PCDHGA11: variants seen among roughly 807,000 people sequenced by gnomAD.
PCDHGA11 encodes the protein protocadherin gamma subfamily A, 11.
Under a neutral mutation model 60.4 loss-of-function variants are expected in PCDHGA11, and 39 were observed. The ratio of observed to expected loss-of-function variants is 0.65; its 90% confidence interval spans 0.50 to 0.84. The LOEUF is 0.84. Ranked by LOEUF, PCDHGA11 falls within the 40% of genes least tolerant of loss-of-function variation. The probability of loss-of-function intolerance (pLI) is 0.00; values close to 1 mark genes in which losing one functional copy is unlikely to be tolerated. For missense variants in PCDHGA11, 1,165 were observed against 1,197.7 expected, an observed-to-expected ratio of 0.97 and a Z score of 0.40; for synonymous variants, 533 against 510.3, an observed-to-expected ratio of 1.04 and a Z score of -0.60.
At chr5:141,461,011 A>G (rs971172615) in intron 1 of PCDHGA11, among the ~76,000 whole-genome samples, 2 of 151,288 alleles carry the variant, frequency 1.3e-5, no homozygotes, top group Non-Finnish European at 2.9e-5. Context: ...ATATATATAT[A>G]CCACATTTTC....
chr5:141,459,084 A>T (rs2098960410), intron 1 of PCDHGA11, among the ~76,000 whole-genome samples: 2 of 152,204 alleles, frequency 1.3e-5, no homozygotes, highest in Non-Finnish European at 2.9e-5. Flanking sequence ...TGCCTTTTAA[A>T]ATTATACAGT....
intron 2 of PCDHGA11, among the ~76,000 whole-genome samples, chr5:141,499,869 G>A (rs1247615457): frequency 3.3e-5 from 5 of 151,938 alleles, no homozygotes; most frequent in Non-Finnish European, 5.9e-5. Context: ...TGTATTTTCA[G>A]TACAAACAGG....
chr5:141,491,438 G>T lies in PCDHGA11; in HGVS notation c.2434-3369G>T, dbSNP rs376927300. 3.7e-6 allele frequency: 6 copies of T among 1,613,948 alleles called. No homozygotes were observed. The African/African-American group carries it at 4.0e-5, about 11-fold the overall frequency. ...GGGGGTGGAGGGCAGTGCTGCAGGCGCCAGGACTCACCCTCCCCGGACTTC... is the reference window on the plus strand; with the variant it reads ...GGGGGTGGAGGGCAGTGCTGCAGGCTCCAGGACTCACCCTCCCCGGACTTC... On this transcript the variant is annotated intron_variant, in intron 1 of 3. Transcript: ENST00000398587. The surrounding 1 kb of genome is among the most constrained non-coding windows in gnomAD (Gnocchi z 6.9).
Position 141,422,019 on chromosome 5 carries a change from G to T in PCDHGA11, c.792G>T (p.Met264Ile), listed in dbSNP as rs777239843. 3 of 1,610,862 alleles carry T rather than the reference G, an allele frequency of 1.9e-6. No homozygotes were observed. The highest frequency in any genetic ancestry group is 2.5e-6 in the Non-Finnish European group (3 of 1,178,836). ...TCAGCTCCGGAACTCGGGTGCTGAT[G>T]GTTAATGCAACGGATCCAGACGAGG... The part of the protein sequence containing the change: ...ENISSGTRVL[M>I]VNATDPDEGI... The change falls in exon 1 of 4, where the codon ATG (methionine) becomes ATT (isoleucine). Residue 264 changes from methionine (M) to isoleucine (I), a missense_variant. Coordinates refer to ENST00000398587, the MANE Select transcript of PCDHGA11 (RefSeq NM_018914.3).
Position 141,433,059 on chromosome 5 carries a change from A to G in PCDHGA11, c.2433+9399A>G, listed in dbSNP as rs745951077. 1.1e-5 allele frequency: 18 copies of G among 1,614,000 alleles called. No individual in the cohort carries two copies. In the East Asian group the frequency reaches 3.8e-4, roughly 34 times the overall value. On this transcript the variant is annotated intron_variant, in intron 1 of 3. Transcript: ENST00000398587. ...CTCACCACGGACTCGCGGAAGAGTC[A>G]CCTGATCTTCCCCCAGCCCAACTAT...
intron 1 of PCDHGA11, chr5:141,424,104 A>G (rs1049098128): frequency 6.2e-6 from 5 of 812,458 alleles, no homozygotes; most frequent in Non-Finnish European, 6.1e-6. Flanking sequence ...ATTACTGCTA[A>G]TGTTCAAATT....
Position 141,486,683 on chromosome 5 carries a change from G to C in PCDHGA11, c.2434-8124G>C, listed in dbSNP as rs1207359772. 6.2e-7 allele frequency: 1 copy of C among 1,613,974 alleles called. No individual in the cohort carries two copies. ...GGAGCCCAGGAATCGAGATGTATCA[G>C]CTTCCTCTTTCATCTCTCTGAACCC... On this transcript the variant is annotated intron_variant, in intron 1 of 3. Coordinates refer to ENST00000398587, the MANE Select transcript of PCDHGA11 (RefSeq NM_018914.3). This position sits in a 1 kb window ranked among gnomAD's most constrained non-coding sequence, Gnocchi z 5.0.
chr5:141,481,658 T>C (rs910422064), intron 1 of PCDHGA11, among the ~76,000 whole-genome samples: 2 of 150,554 alleles, frequency 1.3e-5, no homozygotes, highest in East Asian at 2.0e-4. Context: ...TCTCTACTAA[T>C]AATACAAAAA....
intron 1 of PCDHGA11, among the ~76,000 whole-genome samples, chr5:141,468,041 T>C (rs972340736): frequency 4.6e-5 from 7 of 152,120 alleles, no homozygotes; most frequent in Admixed American, 3.9e-4. Flanking sequence ...TTTAGAAAAC[T>C]AAGCCGGGCA....
chr5:141,472,980 C>CAAAAAAAAAAAAAAAAAAAAA (rs60579131), intron 1 of PCDHGA11, among the ~76,000 whole-genome samples: 3 of 86,094 alleles, frequency 3.5e-5, no homozygotes, highest in Non-Finnish European at 5.0e-5. Context: ...GAGTGAAACT[C>CAAAAAAAAAAAAAAAAAAAAA]AAAAAAAAAA....
At position 141,489,083 on chromosome 5, in the gene PCDHGA11, T is replaced by G; in HGVS notation, c.2434-5724T>G. On this transcript the variant is annotated intron_variant, in intron 1 of 3. Coordinates refer to ENST00000398587, the MANE Select transcript of PCDHGA11 (RefSeq NM_018914.3). This position sits in a 1 kb window ranked among gnomAD's most constrained non-coding sequence, Gnocchi z 4.5. ...CCTCCCCCCTGCCCACCCCCGCCACTCGGTGACTAAGAACTGCTGCAAGCA... is the reference window on the plus strand; with the variant it reads ...CCTCCCCCCTGCCCACCCCCGCCACGCGGTGACTAAGAACTGCTGCAAGCA... The G allele has an allele frequency of 1.2e-5, 2 of 172,008 alleles. No individual in the cohort carries two copies. Among genetic ancestry groups the G allele is most frequent in the Non-Finnish European group, 2.1e-5 (2 of 94,012 alleles). The allele number at this position is 172,008 out of a possible 1,614,324, so 10.7% of individuals were successfully genotyped here. A position where few individuals can be genotyped will look rare whatever the true frequency, so the allele number is the denominator to read the frequency against.
chr5:141,497,739 A>G (rs1180122239), intron 2 of PCDHGA11, among the ~76,000 whole-genome samples: 1 of 152,118 alleles, frequency 6.6e-6, no homozygotes, highest in Admixed American at 6.6e-5. Flanking sequence ...GGGTTTCGCC[A>G]CGTTGGCCAG....
rs537850909 is a variant in PCDHGA11 at position 141,441,865 on chromosome 5, G to A, written c.2433+18205G>A. ...CTTGGATATGGTGCTGCACGCCGCG[G>A]AGCCTGGCTACCTGGTCACCAAGGT... On this transcript the variant is annotated intron_variant, in intron 1 of 3. Coordinates refer to ENST00000398587, the MANE Select transcript of PCDHGA11 (RefSeq NM_018914.3). The A allele has an allele frequency of 4.0e-4, 138 of 345,718 alleles. 1 individual carries two copies. The Admixed American group carries it at 4.6e-3, about 12-fold the overall frequency. The allele number at this position is 345,718 out of a possible 1,614,324, so 21.4% of individuals were successfully genotyped here. A position where few individuals can be genotyped will look rare whatever the true frequency, so the allele number is the denominator to read the frequency against.
At position 141,489,876 on chromosome 5, in the gene PCDHGA11, T is replaced by C. The variant is rs2099693265; in HGVS notation, c.2434-4931T>C. ...CCCAGGCAAGACATCAGCTGGTGCT[T>C]ACTGCTGTGGATGGGGGGACCCCAG... On this transcript the variant is annotated intron_variant, in intron 1 of 3. Transcript: ENST00000398587. This position sits in a 1 kb window ranked among gnomAD's most constrained non-coding sequence, Gnocchi z 4.5. The C allele has an allele frequency of 6.2e-7, 1 of 1,614,098 alleles. No homozygotes were observed. The highest frequency in any genetic ancestry group is 1.1e-5 in the South Asian group (1 of 91,094).
intron 1 of PCDHGA11, among the ~76,000 whole-genome samples, chr5:141,494,392 A>C (rs1296077484): frequency 1.3e-5 from 2 of 152,258 alleles, no homozygotes; most frequent in East Asian, 3.9e-4. Flanking sequence ...GAGTTGAATA[A>C]ATTCATTCTA....
rs903741318 is a variant in PCDHGA11, at chr5:141,454,939, C to G, written c.2433+31279C>G. On this transcript the variant is annotated intron_variant, in intron 1 of 3. Coordinates refer to ENST00000398587, the MANE Select transcript of PCDHGA11 (RefSeq NM_018914.3). ...TCTCCTGCCTCAGCCTCCCGAGTAG[C>G]TGGGACTACAGGCGCCGGCCACCAC... 6.0e-5 allele frequency among the ~76,000 whole-genome samples: 9 copies of G among 150,982 alleles called. No homozygotes were observed. The East Asian group carries it at 1.8e-3, about 30-fold the overall frequency.
In PCDHGA11 at chr5:141,485,974, A is replaced by G. The variant is rs755735500; in HGVS notation, c.2434-8833A>G. 1.9e-6 allele frequency: 3 copies of G among 1,614,108 alleles called. No homozygotes were observed. The highest frequency in any genetic ancestry group is 1.7e-5 in the Admixed American group (1 of 60,014). On this transcript the variant is annotated intron_variant, in intron 1 of 3. Coordinates refer to ENST00000398587, the MANE Select transcript of PCDHGA11 (RefSeq NM_018914.3). This position sits in a 1 kb window ranked among gnomAD's most constrained non-coding sequence, Gnocchi z 5.7. ...TGGTGCTCATCCAGCTCAATGCCTC[A>G]GACCCGGACCTGGGTCCCAGTGGTA...
rs1273620361 is a variant in PCDHGA11, at chr5:141,486,809, A to G, written c.2434-7998A>G. 1 of 1,614,106 alleles carries G rather than the reference A, an allele frequency of 6.2e-7. No homozygotes were observed. The highest frequency in any genetic ancestry group is 1.3e-5 in the African/African-American group (1 of 74,936). On this transcript the variant is annotated intron_variant, in intron 1 of 3. Coordinates refer to ENST00000398587, the MANE Select transcript of PCDHGA11 (RefSeq NM_018914.3). This position sits in a 1 kb window ranked among gnomAD's most constrained non-coding sequence, Gnocchi z 5.0. ...CCGGGATCGGGGCAACCCACCCCTT[A>G]GCAGCACTGTAACAGTTCGTCTATT...
rs1165828230 is a variant in PCDHGA11, at chr5:141,511,464, C to T, written c.*291C>T. On this transcript the variant is annotated 3_prime_UTR_variant, in exon 4 of 4. Coordinates refer to ENST00000398587, the MANE Select transcript of PCDHGA11 (RefSeq NM_018914.3). ...ACACCAAGAACCATTTGCCACACCCCGTTTAGTTACAGCTGAACTCCTCCA... is the reference window on the plus strand; with the variant it reads ...ACACCAAGAACCATTTGCCACACCCTGTTTAGTTACAGCTGAACTCCTCCA... 9 of 538,254 alleles carry T rather than the reference C, an allele frequency of 1.7e-5. No individual in the cohort carries two copies. The highest frequency in any genetic ancestry group is 7.8e-5 in the East Asian group (2 of 25,720). 33.3% of individuals were successfully genotyped at this position (538,254 alleles called of 1,614,324 possible).
Sources: gnomAD v4.1 joint callset for allele counts (sites outside exome capture counted in the v4.1 genomes callset) on GRCh38, gnomAD v4.1.1 for gene constraint, Gnocchi (gnomAD v3.1) non-coding constraint, MANE v1.5 for transcripts, NCBI Gene and HGNC (gene_info 2026-07-23, HGNC 2026-07-21) for gene names.